Variants in USP12 observed in about 807,000 individuals in gnomAD.
The protein encoded by USP12 is ubiquitin specific peptidase 12.
Under a neutral mutation model 45.5 loss-of-function variants are expected in USP12, and 19 were observed. The ratio of observed to expected loss-of-function variants is 0.42; its 90% confidence interval spans 0.29 to 0.61. USP12 has a LOEUF of 0.61. USP12 is among the 20% of genes least tolerant of loss of function. USP12 has a pLI of 0.22. For synonymous variants in USP12, 149 were observed against 148.8 expected (o/e 1.00, Z -0.01); for missense variants, 242 against 447.7 (o/e 0.54, Z 4.15).
At chr13:27,113,502 C>A in intron 2 of USP12, among the ~76,000 whole-genome samples, 1 of 152,246 alleles carries the variant, frequency 6.6e-6, no homozygotes, top group East Asian at 1.9e-4. Flanking sequence ...CTACCCACCA[C>A]GCTTCTTACT....
At chr13:27,145,281 A>G (rs1011782805) in intron 1 of USP12, among the ~76,000 whole-genome samples, 1 of 152,224 alleles carries the variant, frequency 6.6e-6, no homozygotes, top group Non-Finnish European at 1.5e-5. Flanking sequence ...TGGCAATGGT[A>G]GCTCCTAAGA....
intron 1 of USP12, among the ~76,000 whole-genome samples, chr13:27,170,896 G>A (rs943429635): frequency 2.0e-5 from 3 of 152,230 alleles, no homozygotes; most frequent in Admixed American, 6.5e-5. Flanking sequence ...CCTCTCAGAG[G>A]AGAAAATGGA....
chr13:27,130,745 G>A (rs181326782), intron 1 of USP12, among the ~76,000 whole-genome samples: 25 of 152,258 alleles, frequency 1.6e-4, no homozygotes, highest in Admixed American at 1.2e-3. Context: ...CACGACTAAC[G>A]TGGTTTTTTC....
chr13:27,076,853 C>G (rs756036048), intron 6 of USP12, among the ~76,000 whole-genome samples: 1 of 152,138 alleles, frequency 6.6e-6, no homozygotes, highest in Admixed American at 6.5e-5. Context: ...ATGAACTTGG[C>G]CTTTTGGAAA....
At chr13:27,111,885 G>A (rs766793092) in intron 2 of USP12, among the ~76,000 whole-genome samples, 6 of 152,056 alleles carry the variant, frequency 3.9e-5, no homozygotes, top group Admixed American at 1.3e-4. Flanking sequence ...CAGTTATTTG[G>A]ATATGTGGTT....
chr13:27,153,932 G>A (rs1389757127), intron 1 of USP12, among the ~76,000 whole-genome samples: 1 of 152,132 alleles, frequency 6.6e-6, no homozygotes, highest in East Asian at 1.9e-4. Flanking sequence ...GTTTACTGAG[G>A]TATCAAATCT....
At chr13:27,130,537 C>CA (rs201354369) in intron 1 of USP12, among the ~76,000 whole-genome samples, 5,613 of 118,396 alleles carry the variant, frequency 0.047, 102 homozygotes, top group Admixed American at 0.071. Flanking sequence ...CTCACACACA[C>CA]ACAAAAAAAA....
At chr13:27,103,761 A>AAAG (rs1555234523) in intron 3 of USP12, among the ~76,000 whole-genome samples, 1 of 147,520 alleles carries the variant, frequency 6.8e-6, no homozygotes, top group African/African-American at 2.5e-5. Context: ...AAAAAAAAAA[A>AAAG]AGAGAGAGAG....
intron 6 of USP12, among the ~76,000 whole-genome samples, chr13:27,078,993 TA>T (rs370076279): frequency 2.4e-4 from 35 of 143,668 alleles, no homozygotes; most frequent in Admixed American, 2.1e-4. Context: ...TGTCCTCTGA[TA>T]AAAAAAAAAA....
chr13:27,104,626 T>C (rs886363214), intron 3 of USP12, among the ~76,000 whole-genome samples: 1 of 152,222 alleles, frequency 6.6e-6, no homozygotes, highest in African/African-American at 2.4e-5. Context: ...CATGTGTATG[T>C]GGGGAAAATG....
chr13:27,165,765 G>C (rs2137848769), intron 1 of USP12, among the ~76,000 whole-genome samples: 1 of 152,242 alleles, frequency 6.6e-6, no homozygotes, highest in Non-Finnish European at 1.5e-5. Context: ...GGTGGTATCA[G>C]TAACCTCCAG....
At position 27,129,453 on chromosome 13, in the gene USP12, G is replaced by A. The variant is rs1323675913; in HGVS notation, c.49-12857C>T. On this transcript the variant is annotated intron_variant, in intron 1 of 8. Transcript: ENST00000282344. The surrounding 1 kb of genome is among the most constrained non-coding windows in gnomAD (Gnocchi z 4.0). ...TAAAGCTATGCGTAGGCCAGGTGCA[G>A]TGGTTCATGCCCATAATACCAGCAC... Among the ~76,000 whole-genome samples the A allele has an allele frequency of 6.6e-6, 1 of 152,248 alleles. No individual in the cohort carries two copies. The highest frequency in any genetic ancestry group is 1.9e-4 in the East Asian group (1 of 5,204).
chr13:27,090,209 A>C, intron 4 of USP12, 51 bp from the exon 5 acceptor site: 1 of 1,426,970 alleles, frequency 7.0e-7, no homozygotes, highest in Non-Finnish European at 9.7e-7. Flanking sequence ...AGTAAACCAC[A>C]GTTCCCAATT....
At chr13:27,124,972 T>A (rs1297629891) in intron 1 of USP12, among the ~76,000 whole-genome samples, 1 of 152,208 alleles carries the variant, frequency 6.6e-6, no homozygotes, top group Non-Finnish European at 1.5e-5. Flanking sequence ...TTATGTGAAA[T>A]TCAGTATCTG....
chr13:27,154,972 A>C (rs543858735), intron 1 of USP12, among the ~76,000 whole-genome samples: 2 of 150,392 alleles, frequency 1.3e-5, no homozygotes, highest in South Asian at 2.1e-4. Flanking sequence ...GCAAAGAAAC[A>C]GTCCCTCCTG....
At chr13:27,143,826 G>C (rs1373236663) in intron 1 of USP12, among the ~76,000 whole-genome samples, 1 of 152,192 alleles carries the variant, frequency 6.6e-6, no homozygotes, top group Non-Finnish European at 1.5e-5. Context: ...GGATAGAAGA[G>C]CAAATTAAAA....
At position 27,142,497 on chromosome 13, in the gene USP12, C is replaced by G. The variant is rs188506894; in HGVS notation, c.49-25901G>C. On this transcript the variant is annotated intron_variant, in intron 1 of 8. Coordinates refer to ENST00000282344, the MANE Select transcript of USP12 (RefSeq NM_182488.4). Reference sequence around the variant, plus strand: ...ACCATCTTTATGAAAGAGAATGTCCCTGTTACTGGGAAATGTGCACTTAAG... The same window carrying G: ...ACCATCTTTATGAAAGAGAATGTCCGTGTTACTGGGAAATGTGCACTTAAG... Among the ~76,000 whole-genome samples, 4 of 152,214 alleles carry G rather than the reference C, an allele frequency of 2.6e-5. No individual in the cohort carries two copies. In the East Asian group the frequency reaches 7.7e-4, roughly 29 times the overall value.
intron 1 of USP12, among the ~76,000 whole-genome samples, chr13:27,153,392 CAT>C (rs1877673010): frequency 1.3e-5 from 2 of 152,160 alleles, no homozygotes; most frequent in African/African-American, 2.4e-5. Flanking sequence ...TTAGATAAAA[CAT>C]ATATACATAT....
Position 27,132,693 on chromosome 13 carries a change from G to A in USP12, c.49-16097C>T, listed in dbSNP as rs76088040. On this transcript the variant is annotated intron_variant, in intron 1 of 8. Transcript: ENST00000282344. ...GTTCTATGTGTGTGAGGAGCTGGTG[G>A]GCACGTTAACAAGAAGAGCAGTACT... Among the ~76,000 whole-genome samples, 1,215 of 152,234 alleles carry A rather than the reference G, an allele frequency of 8.0e-3. 14 individuals are homozygous for A. Among genetic ancestry groups the A allele is most frequent in the African/African-American group, 0.027 (1,138 of 41,526 alleles).
Sources: gnomAD v4.1 joint callset for allele counts (sites outside exome capture counted in the v4.1 genomes callset) on GRCh38, gnomAD v4.1.1 for gene constraint, Gnocchi (gnomAD v3.1) non-coding constraint, MANE v1.5 for transcripts, NCBI Gene and HGNC (gene_info 2026-07-23, HGNC 2026-07-21) for gene names.